The following MPDZ variants were observed in gnomAD, a reference collection of about 807,000 sequenced individuals.
The protein encoded by MPDZ is multiple PDZ domain crumbs cell polarity complex component, also known as multiple PDZ domain protein.
A neutral mutation model predicts 239.1 loss-of-function variants in MPDZ; 234 were observed. The observed-to-expected ratio is 0.98, with a 90% CI of 0.88 to 1.09. The LOEUF (loss-of-function observed/expected upper bound fraction) is 1.09, where lower values mean the gene tolerates loss of function less well. MPDZ is among the 50% of genes least tolerant of loss of function. MPDZ has a pLI of 0.00. For missense variants in MPDZ, 3,175 were observed against 2,510.0 expected (o/e 1.26, Z -5.66); for synonymous variants, 1,048 against 881.3 (o/e 1.19, Z -3.35).
intron 22 of MPDZ, among the ~76,000 whole-genome samples, chr9:13,166,258 T>C (rs1207901918): frequency 6.6e-6 from 1 of 152,170 alleles, no homozygotes; most frequent in Non-Finnish European, 1.5e-5. Flanking sequence ...ATTATTCACA[T>C]AGCTTTCAAG....
intron 25 of MPDZ, among the ~76,000 whole-genome samples, chr9:13,149,127 G>T (rs548351189): frequency 4.6e-5 from 7 of 151,704 alleles, no homozygotes; most frequent in East Asian, 1.9e-4. Flanking sequence ...GGGGTCTAAG[G>T]TATCATCTAA....
At position 13,155,875 on chromosome 9, in the gene MPDZ, T is replaced by C. The variant is rs116937710; in HGVS notation, c.3452+2143A>G. Among the ~76,000 whole-genome samples the C allele has an allele frequency of 1.6e-3, 243 of 152,266 alleles. No homozygotes were observed. The Middle Eastern group carries it at 0.024, about 15-fold the overall frequency. On this transcript the variant is annotated intron_variant, in intron 24 of 46. Transcript: ENST00000319217. ...CTAGGAGAACCACTACACTAGTGAGTACAGAGTACCTTCTTAGAAGGATTT... is the reference window on the plus strand; with the variant it reads ...CTAGGAGAACCACTACACTAGTGAGCACAGAGTACCTTCTTAGAAGGATTT...
At chr9:13,128,445 G>T (rs573492502) in intron 32 of MPDZ, among the ~76,000 whole-genome samples, 1 of 152,208 alleles carries the variant, frequency 6.6e-6, no homozygotes, top group African/African-American at 2.4e-5. Context: ...GTCCAGCCCA[G>T]TCAAATCTTG....
intron 1 of MPDZ, among the ~76,000 whole-genome samples, chr9:13,273,245 G>A (rs1973418915): frequency 6.6e-6 from 1 of 152,168 alleles, no homozygotes; most frequent in Non-Finnish European, 1.5e-5. Flanking sequence ...ACTAAAACAG[G>A]GGCCTAGCAA....
chr9:13,236,041 G>A (rs1166446084), intron 3 of MPDZ, among the ~76,000 whole-genome samples: 2 of 151,324 alleles, frequency 1.3e-5, no homozygotes, highest in African/African-American at 4.9e-5. Flanking sequence ...GGATGAATGA[G>A]GAGTTAACAG....
chr9:13,230,439 A>C (rs1962054643), intron 3 of MPDZ, among the ~76,000 whole-genome samples: 1 of 152,182 alleles, frequency 6.6e-6, no homozygotes, highest in Non-Finnish European at 1.5e-5. Context: ...ATACTACTGA[A>C]AAATAAAAGA....
At chr9:13,235,530 T>A (rs1389188048) in intron 3 of MPDZ, among the ~76,000 whole-genome samples, 2 of 152,218 alleles carry the variant, frequency 1.3e-5, no homozygotes, top group Non-Finnish European at 2.9e-5. Context: ...GATACTGAGA[T>A]AAGATACCTT....
chr9:13,215,438 G>GATAT (rs55720256), intron 10 of MPDZ, among the ~76,000 whole-genome samples: 24 of 146,824 alleles, frequency 1.6e-4, no homozygotes, highest in Admixed American at 2.7e-4. Context: ...GTGTATATAT[G>GATAT]ATATATATAT....
At chr9:13,124,481 TTA>T (rs1944830047) in intron 35 of MPDZ, among the ~76,000 whole-genome samples, 1 of 152,184 alleles carries the variant, frequency 6.6e-6, no homozygotes, top group Admixed American at 6.5e-5. Flanking sequence ...AGCCAATGCC[TTA>T]TTTTTTTTTG....
chr9:13,110,878 A>G (rs915010052), intron 43 of MPDZ, 138 bp from the exon 44 acceptor site: 5 of 552,600 alleles, frequency 9.0e-6, no homozygotes, highest in Non-Finnish European at 1.6e-5. Flanking sequence ...TAACCAAGGA[A>G]ACCACTAATT....
Position 13,109,943 on chromosome 9 carries a change from T to C in MPDZ, c.5942+9A>G, listed in dbSNP as rs751355249. The C allele has an allele frequency of 3.4e-5, 54 of 1,603,836 alleles. No homozygotes were observed. The highest frequency in any genetic ancestry group is 3.3e-4 in the Middle Eastern group (2 of 6,036). ...AAAATGATACACTAATCATCATGTA[T>C]GAACTCACCCTAAATCATCCTGAAA... On this transcript the variant is annotated intron_variant, in intron 45 of 46. Transcript: ENST00000319217.
intron 24 of MPDZ, among the ~76,000 whole-genome samples, chr9:13,156,297 A>G (rs748237795): frequency 7.2e-5 from 11 of 152,194 alleles, no homozygotes; most frequent in Admixed American, 1.3e-4. Flanking sequence ...ACTGACACCA[A>G]CCATTTTGCA....
chr9:13,115,772 T>C (rs10960952), intron 39 of MPDZ, among the ~76,000 whole-genome samples: 58,635 of 151,436 alleles, frequency 0.39, 13,617 homozygotes, highest in Middle Eastern at 0.52. Flanking sequence ...GGTGAAACCC[T>C]GTCTCTACTA....
intron 31 of MPDZ, chr9:13,135,475 C>G (rs1946597748): frequency 6.6e-6 from 1 of 152,102 alleles, no homozygotes; most frequent in Non-Finnish European, 1.5e-5. Context: ...TATCTTACTT[C>G]CTCTAACCTC....
Position 13,244,407 on chromosome 9 carries a change from T to C in MPDZ, c.183+3228A>G, listed in dbSNP as rs1191279018. ...TACTTGAGAATTTGCATTTGACAGA[T>C]CATTGACACACAGTCACAGTTCTTT... On this transcript the variant is annotated intron_variant, in intron 3 of 46. Coordinates refer to ENST00000319217, the MANE Select transcript of MPDZ (RefSeq NM_001378778.1). Among the ~76,000 whole-genome samples the C allele has an allele frequency of 2.0e-5, 3 of 152,152 alleles. No individual in the cohort carries two copies. In the East Asian group the frequency reaches 5.8e-4, roughly 29 times the overall value.
intron 4 of MPDZ, 59 bp from the exon 5 acceptor site, chr9:13,223,769 C>T (rs773751408): frequency 6.4e-5 from 96 of 1,494,790 alleles, no homozygotes; most frequent in African/African-American, 9.9e-5. Context: ...TGGTGGTTCA[C>T]GCCTGTAATC....
chr9:13,188,928 T>C lies in MPDZ; in HGVS notation c.2220A>G (p.Glu740=). The C allele has an allele frequency of 4.3e-6, 7 of 1,613,506 alleles. No homozygotes were observed. Among genetic ancestry groups the C allele is most frequent in the Non-Finnish European group, 5.9e-6 (7 of 1,179,570 alleles). ...CACCAGGAAGAAGTCGTCCATCCTT[T>C]TCAGCAATGCCGCCAGGCACCAAAG... ...IRSLVPGGIA[E]KDGRLLPGDR... Residue 740 remains glutamate (E), a synonymous_variant, in exon 17 of 47, where the codon GAA becomes GAG. Coordinates refer to ENST00000319217, the MANE Select transcript of MPDZ (RefSeq NM_001378778.1).
intron 1 of MPDZ, among the ~76,000 whole-genome samples, chr9:13,255,193 C>T (rs1969137176): frequency 6.6e-6 from 1 of 152,180 alleles, no homozygotes; most frequent in African/African-American, 2.4e-5. Context: ...TTCATTCAAA[C>T]TTTATCATGA....
chr9:13,216,677 TACAGAGTTA>T, intron 10 of MPDZ, 88 bp downstream of exon 10: 1 of 834,642 alleles, frequency 1.2e-6, no homozygotes, highest in East Asian at 2.7e-5. Context: ...CTTAAATTAG[TACAGAGTTA>T]ACTCTAGCTC....
Sources: gnomAD v4.1 joint callset for allele counts (sites outside exome capture counted in the v4.1 genomes callset) on GRCh38, gnomAD v4.1.1 for gene constraint, MANE v1.5 for transcripts, NCBI Gene and HGNC (gene_info 2026-07-23, HGNC 2026-07-21) for gene names.